Variants in SCN2A observed in about 807,000 individuals in gnomAD.
The protein encoded by SCN2A is sodium voltage-gated channel alpha subunit 2.
SCN2A carries 20 observed loss-of-function variants against 188.7 expected under a neutral mutation model. The observed-to-expected ratio is 0.11, with a 90% confidence interval of 0.07 to 0.15. The LOEUF is 0.15. SCN2A is among the 10% of genes least tolerant of loss of function. SCN2A has a pLI of 1.00. For missense variants in SCN2A, 1,278 were observed against 2,445.0 expected, an observed-to-expected ratio of 0.52 and a Z score of 10.07; for synonymous variants, 804 against 833.1, an observed-to-expected ratio of 0.97 and a Z score of 0.60.
Position 165,354,447 on chromosome 2 carries a change from A to G in SCN2A, c.3175A>G (p.Ile1059Val). ...KDSCISNHTT[I>V]EIGKDLNYLK... The stretch of plus-strand genomic sequence containing the variant: ...CAGCTGTATTTCCAACCATACCACC[A>G]TAGAAATAGGCAAAGACCTCAATTA... Residue 1059 changes from isoleucine (I) to valine (V), a missense_variant, in exon 17 of 27, where the codon ATA (isoleucine) becomes GTA (valine). By Grantham distance (29) the Ile-to-Val change is conservative. This residue lies in a region of SCN2A where 228 missense variants were observed against 297.3 expected (regional missense o/e 0.77). Coordinates refer to ENST00000375437, the MANE Select transcript of SCN2A (RefSeq NM_001040142.2). 1 of 1,614,146 alleles carries G rather than the reference A, an allele frequency of 6.2e-7. No homozygotes were observed. Among genetic ancestry groups the G allele is most frequent in the South Asian group, 1.1e-5 (1 of 91,082 alleles).
Position 165,389,314 on chromosome 2 carries a change from A to T in SCN2A, c.5508A>T (p.Lys1836Asn), listed in dbSNP as rs1702031865. ...CTCTTCTCATAGCAAAACCCAACAA[A>T]GTCCAGCTCATTGCCATGGATCTGC... is the stretch of plus-strand genomic sequence containing the variant. ...DPPLLIAKPN[K>N]VQLIAMDLPM... is the part of the protein sequence containing the mutation. Residue 1836 changes from lysine to asparagine, a missense_variant, in exon 27 of 27, where the codon AAA (lysine) becomes AAT (asparagine). Physicochemically the swap from Lys to Asn is moderately conservative, Grantham distance 94 (BLOSUM62 0). Transcript: ENST00000375437. The surrounding 1 kb of genome is among the most constrained non-coding windows in gnomAD (Gnocchi z 4.2). 2 of 1,613,960 alleles carry T rather than the reference A, an allele frequency of 1.2e-6. No homozygotes were observed. Among genetic ancestry groups the T allele is most frequent in the African/African-American group, 2.7e-5 (2 of 74,902 alleles).
chr2:165,389,676 A>G lies in SCN2A; in HGVS notation c.5870A>G (p.Asn1957Ser), dbSNP rs768795777. Residue 1957 changes from asparagine to serine, a missense_variant, in exon 27 of 27, where the codon AAT becomes AGT. Physicochemically the swap from Asn to Ser is conservative, Grantham distance 46. Coordinates refer to ENST00000375437, the MANE Select transcript of SCN2A (RefSeq NM_001040142.2). This position sits in a 1 kb window ranked among gnomAD's most constrained non-coding sequence, Gnocchi z 4.2. ...EDTLIDKLNE[N>S]STPEKTDMTP... ...ACTCTCATTGATAAACTGAATGAGA[A>G]TTCAACTCCAGAGAAAACCGATATG... The G allele has an allele frequency of 3.1e-6, 5 of 1,613,934 alleles. No homozygotes were observed. Among genetic ancestry groups the G allele is most frequent in the Middle Eastern group, 1.7e-4 (1 of 6,060 alleles).
chr2:165,245,681 A>G (rs111973115), intron 1 of SCN2A, among the ~76,000 whole-genome samples: 1 of 152,160 alleles, frequency 6.6e-6, no homozygotes, highest in Admixed American at 6.5e-5. Context: ...TGACCATAAA[A>G]TGTGTCATCT....
At chr2:165,346,681 G>A (rs1016770293) in intron 16 of SCN2A, among the ~76,000 whole-genome samples, 1 of 152,064 alleles carries the variant, frequency 6.6e-6, no homozygotes, top group African/African-American at 2.4e-5. Flanking sequence ...CCTACAGAAT[G>A]GGAGAAAATT....
At chr2:165,300,464 A>G (rs1224883377) in intron 3 of SCN2A, among the ~76,000 whole-genome samples, 3 of 152,310 alleles carry the variant, frequency 2.0e-5, no homozygotes, top group African/African-American at 7.2e-5. Flanking sequence ...ATTAGTGTCA[A>G]AGGGAGGAGT....
chr2:165,272,018 T>C (rs575487728), intron 1 of SCN2A: 78 of 152,254 alleles, frequency 5.1e-4, no homozygotes, highest in African/African-American at 1.8e-3. Context: ...AAGTTTACTA[T>C]GAACATTCTT....
intron 1 of SCN2A, among the ~76,000 whole-genome samples, chr2:165,263,375 G>A (rs953929685): frequency 6.6e-6 from 1 of 152,126 alleles, no homozygotes; most frequent in African/African-American, 2.4e-5. Flanking sequence ...CTTAATTTAA[G>A]TTCTTGATCC....
intron 1 of SCN2A, among the ~76,000 whole-genome samples, chr2:165,276,246 A>G (rs1364083970): frequency 6.7e-6 from 1 of 148,648 alleles, no homozygotes; most frequent in Non-Finnish European, 1.5e-5. Context: ...GTAGCTAGAA[A>G]CAGTTTGCCA....
intron 18 of SCN2A, 65 bp from the exon 19 acceptor site, chr2:165,367,152 A>C: frequency 1.3e-6 from 2 of 1,503,566 alleles, no homozygotes; most frequent in Non-Finnish European, 1.8e-6. Flanking sequence ...TGAATCTCCC[A>C]CCAACACAAA....
chr2:165,364,521 A>G (rs1423290069), intron 17 of SCN2A, among the ~76,000 whole-genome samples: 1 of 152,236 alleles, frequency 6.6e-6, no homozygotes, highest in African/African-American at 2.4e-5. Flanking sequence ...CCAAATGCAC[A>G]ATGAAACACA....
At chr2:165,295,523 A>G (rs754803159) in intron 1 of SCN2A, among the ~76,000 whole-genome samples, 11 of 152,232 alleles carry the variant, frequency 7.2e-5, no homozygotes, top group African/African-American at 9.6e-5. Context: ...AAGTAGCACA[A>G]TCACTTAAAA....
chr2:165,255,549 A>C (rs1369795989), intron 1 of SCN2A, among the ~76,000 whole-genome samples: 1 of 152,090 alleles, frequency 6.6e-6, no homozygotes, highest in Non-Finnish European at 1.5e-5. Flanking sequence ...ATATGGCTCT[A>C]TGGTTTAACT....
At chr2:165,276,591 C>T (rs1311613929) in intron 1 of SCN2A, among the ~76,000 whole-genome samples, 2 of 152,132 alleles carry the variant, frequency 1.3e-5, no homozygotes, top group African/African-American at 4.8e-5. Flanking sequence ...TAAAAGTAAG[C>T]CAGATTTCAC....
chr2:165,282,829 G>A (rs376743724), intron 1 of SCN2A, among the ~76,000 whole-genome samples: 1 of 152,216 alleles, frequency 6.6e-6, no homozygotes, highest in Non-Finnish European at 1.5e-5. Flanking sequence ...AATGGTAGAG[G>A]AGGTGAGAAA....
At chr2:165,329,433 G>A (rs1272193356) in intron 13 of SCN2A, among the ~76,000 whole-genome samples, 1 of 152,154 alleles carries the variant, frequency 6.6e-6, no homozygotes, top group Non-Finnish European at 1.5e-5. Flanking sequence ...TGTGGCTGCA[G>A]TTCTCTCCTG....
chr2:165,348,358 CAAA>C (rs559810900), intron 16 of SCN2A, among the ~76,000 whole-genome samples: 10 of 80,568 alleles, frequency 1.2e-4, no homozygotes, highest in South Asian at 4.6e-4. Context: ...GACTCTGTTG[CAAA>C]AAAAAAAAAA....
intron 1 of SCN2A, among the ~76,000 whole-genome samples, chr2:165,288,928 T>C (rs1282430203): frequency 1.3e-5 from 2 of 152,108 alleles, no homozygotes; most frequent in Non-Finnish European, 2.9e-5. Context: ...TACATTACTG[T>C]AATGTACCAA....
At chr2:165,326,204 C>G (rs1026125984) in intron 12 of SCN2A, among the ~76,000 whole-genome samples, 1 of 152,144 alleles carries the variant, frequency 6.6e-6, no homozygotes, top group Non-Finnish European at 1.5e-5. Flanking sequence ...CTAAAAATCA[C>G]AGTCCCCCAC....
chr2:165,352,234 A>G, intron 16 of SCN2A, among the ~76,000 whole-genome samples: 1 of 152,272 alleles, frequency 6.6e-6, no homozygotes, highest in Middle Eastern at 3.4e-3. Context: ...ACAATAAAAC[A>G]TAATTTTATT....
Sources: allele counts gnomAD v4.1 joint callset (sites outside exome capture counted in the v4.1 genomes callset), GRCh38; gene constraint gnomAD v4.1.1; regional missense constraint gnomAD v4.1.1; non-coding constraint Gnocchi (gnomAD v3.1); transcripts MANE v1.5; gene names NCBI Gene and HGNC (gene_info 2026-07-23, HGNC 2026-07-21).